Variants in RNF25 observed in about 807,000 individuals in gnomAD.
The protein encoded by RNF25 is ring finger protein 25.
RNF25 carries 32 observed loss-of-function variants against 65.0 expected under a neutral mutation model. That is an observed-to-expected ratio of 0.49 (90% CI 0.37 to 0.66). RNF25 has a LOEUF of 0.66. Ranked by LOEUF, RNF25 falls within the 30% of genes least tolerant of loss-of-function variation. The probability of loss-of-function intolerance (pLI) is 0.00; values close to 1 mark genes in which losing one functional copy is unlikely to be tolerated. For missense variants in RNF25, 493 were observed against 584.8 expected, an observed-to-expected ratio of 0.84 and a Z score of 1.62; for synonymous variants, 207 against 221.2, an observed-to-expected ratio of 0.94 and a Z score of 0.57.
chr2:218,670,038 C>T (rs1008757836), intron 1 of RNF25, among the ~76,000 whole-genome samples: 2 of 151,798 alleles, frequency 1.3e-5, no homozygotes, highest in East Asian at 3.9e-4. Context: ...CAAAGCGAGA[C>T]ACTATCTCTA....
intron 5 of RNF25, among the ~76,000 whole-genome samples, chr2:218,666,774 G>A (rs569464536): frequency 6.6e-6 from 1 of 152,354 alleles, no homozygotes; most frequent in Non-Finnish European, 1.5e-5. Flanking sequence ...GCTGCATTGT[G>A]GAGGCCTGAC....
intron 1 of RNF25, among the ~76,000 whole-genome samples, chr2:218,671,508 G>A (rs1352714047): frequency 2.0e-5 from 3 of 152,194 alleles, no homozygotes; most frequent in African/African-American, 7.2e-5. Context: ...AGAAGGCTGA[G>A]GAAAGCGTCG....
In RNF25 at chr2:218,664,780, G is replaced by T. The variant is rs764046433; in HGVS notation, c.760C>A (p.Leu254Ile). 14 of 1,614,122 alleles carry T rather than the reference G, an allele frequency of 8.7e-6. No individual in the cohort carries two copies. Among genetic ancestry groups the T allele is most frequent in the Admixed American group, 1.7e-5 (1 of 60,008 alleles). ...AAGTATCGGTTTCGCTCAGCCTCAAGGTCAATGATTCCCCCCCGCTCCTGC... is the reference window on the plus strand; with the variant it reads ...AAGTATCGGTTTCGCTCAGCCTCAATGTCAATGATTCCCCCCCGCTCCTGC... ...RQQERGGIID[L>I]EAERNRYFIS... is the part of the protein sequence containing the mutation. Residue 254 changes from leucine (L) to isoleucine (I), a missense_variant, in exon 9 of 10, where the codon CTT (leucine) becomes ATT (isoleucine). Coordinates refer to ENST00000295704, the MANE Select transcript of RNF25 (RefSeq NM_022453.3). The surrounding 1 kb of genome is among the most constrained non-coding windows in gnomAD (Gnocchi z 5.1).
At chr2:218,670,422 G>A (rs192709126) in intron 1 of RNF25, among the ~76,000 whole-genome samples, 268 of 151,740 alleles carry the variant, frequency 1.8e-3, no homozygotes, top group East Asian at 5.5e-3. Flanking sequence ...GGGGCCGGGC[G>A]CGGTGGCTCA....
In RNF25 at chr2:218,668,407, G is replaced by A; in HGVS notation, c.117-66C>T. On this transcript the variant is annotated intron_variant, in intron 2 of 9. Coordinates refer to ENST00000295704, the MANE Select transcript of RNF25 (RefSeq NM_022453.3). ...GGGGCTTGGGGGCTGGGGAGGATGG[G>A]GCTGAGACAGTGAAGTGGGCAAAGG... The A allele has an allele frequency of 7.3e-6, 8 of 1,100,434 alleles. No individual in the cohort carries two copies. In the Admixed American group the frequency reaches 9.4e-5, roughly 13 times the overall value. The allele number at this position is 1,100,434 out of a possible 1,614,324, so 68.2% of individuals were successfully genotyped here. A position where few individuals can be genotyped will look rare whatever the true frequency, so the allele number is the denominator to read the frequency against.
At position 218,671,742 on chromosome 2, in the gene RNF25, TCTCA is replaced by T. The variant is rs1482820952; in HGVS notation, c.41+184_41+187del. On this transcript the variant is annotated intron_variant, in intron 1 of 9. Coordinates refer to ENST00000295704, the MANE Select transcript of RNF25 (RefSeq NM_022453.3). ...CCTGGCGGGCGCCGACCCGTTCTCC[TCTCA>T]CTCAGATCAGCGCCCCTCCACCCTC... Among the ~76,000 whole-genome samples, 5 of 152,230 alleles carry T rather than the reference TCTCA, an allele frequency of 3.3e-5. No homozygotes were observed. The East Asian group carries it at 9.6e-4, about 29-fold the overall frequency.
chr2:218,671,448 G>A (rs1384026973), intron 1 of RNF25, among the ~76,000 whole-genome samples: 1 of 152,154 alleles, frequency 6.6e-6, no homozygotes, highest in Non-Finnish European at 1.5e-5. Flanking sequence ...TTTATATGAA[G>A]TGTAAAGCTT....
At chr2:218,665,830 G>A (rs1016609158) in intron 7 of RNF25, 86 bp downstream of exon 7, 20 of 1,510,414 alleles carry the variant, frequency 1.3e-5, no homozygotes, top group Non-Finnish European at 1.7e-5. Flanking sequence ...AAAAAGTGAA[G>A]AGCCACTGGA....
intron 1 of RNF25, among the ~76,000 whole-genome samples, chr2:218,669,438 T>G (rs1939901852): frequency 6.6e-6 from 1 of 152,216 alleles, no homozygotes; most frequent in Admixed American, 6.5e-5. Flanking sequence ...CGTCCTCTTT[T>G]TTTCCTGTCT....
At chr2:218,665,384 G>T in intron 7 of RNF25, 137 bp from the exon 8 acceptor site, 1 of 697,544 alleles carries the variant, frequency 1.4e-6, no homozygotes, top group Non-Finnish European at 2.4e-6. Context: ...TTGGGACAGA[G>T]CACGGGTTGT....
intron 1 of RNF25, among the ~76,000 whole-genome samples, chr2:218,670,871 TCA>T (rs1939946241): frequency 6.6e-6 from 1 of 150,824 alleles, no homozygotes; most frequent in African/African-American, 2.4e-5. Context: ...TGCCTGCACC[TCA>T]GTTATTAATG....
At chr2:218,670,527 C>T (rs138922892) in intron 1 of RNF25, among the ~76,000 whole-genome samples, 1 of 151,834 alleles carries the variant, frequency 6.6e-6, no homozygotes, top group Non-Finnish European at 1.5e-5. Flanking sequence ...AACCCCGTCT[C>T]TACTAAAAAT....
In RNF25 at chr2:218,665,961, T is replaced by C; in HGVS notation, c.528A>G (p.Gln176=). 6.2e-7 allele frequency: 1 copy of C among 1,614,146 alleles called. No homozygotes were observed. The highest frequency in any genetic ancestry group is 1.3e-5 in the African/African-American group (1 of 75,044). The change falls in exon 7 of 10, where the codon CAA becomes CAG. Residue 176 remains glutamine (Q), a synonymous_variant. Coordinates refer to ENST00000295704, the MANE Select transcript of RNF25 (RefSeq NM_022453.3). ...IQHMEQELKA[Q]GQEQEQERQH... is the part of the protein sequence containing the mutation. ...GCCGTTCCTGTTCCTGCTCCTGTCC[T>C]TGTGCCTTCAGCTCTTGCTCCATGT... is the stretch of plus-strand genomic sequence containing the variant.
Position 218,668,090 on chromosome 2 carries a change from T to G in RNF25, c.276A>C (p.Glu92Asp). 1 of 1,613,976 alleles carries G rather than the reference T, an allele frequency of 6.2e-7. No individual in the cohort carries two copies. The highest frequency in any genetic ancestry group is 8.5e-7 in the Non-Finnish European group (1 of 1,179,930). ...CAGGTTCAACTTACGTGTGGATCTG[T>G]TCATCTGAAAGTCCTCGGGGATTTC... is the stretch of plus-strand genomic sequence containing the variant. ...SIRNPRGLSD[E>D]QIHTILQVLG... is the part of the protein sequence containing the mutation. Residue 92 changes from glutamate to aspartate, a missense_variant, in exon 4 of 10, where the codon GAA becomes GAC. Glu to Asp is a conservative substitution (Grantham distance 45, BLOSUM62 2). This residue lies in a region of RNF25 where 108 missense variants were observed against 166.0 expected (regional missense o/e 0.65). Transcript: ENST00000295704.
Position 218,667,804 on chromosome 2 carries a change from A to G in RNF25, c.357+108T>C, listed in dbSNP as rs1009220610. The G allele has an allele frequency of 1.7e-5, 17 of 1,003,660 alleles. No individual in the cohort carries two copies. In the Admixed American group the frequency reaches 3.6e-4, roughly 21 times the overall value. The allele number at this position is 1,003,660 out of a possible 1,614,324, so 62.2% of individuals were successfully genotyped here. Reference sequence around the variant, plus strand: ...CTCTGGATTAATTTAGGCCTTACCTAATGACTCCAGATCCGTTTAAGATTC... The same window carrying G: ...CTCTGGATTAATTTAGGCCTTACCTGATGACTCCAGATCCGTTTAAGATTC... On this transcript the variant is annotated intron_variant, in intron 5 of 9. Coordinates refer to ENST00000295704, the MANE Select transcript of RNF25 (RefSeq NM_022453.3).
In RNF25 at chr2:218,665,902, G is replaced by A; in HGVS notation, c.573+14C>T. The A allele has an allele frequency of 6.2e-7, 1 of 1,609,900 alleles. No individual in the cohort carries two copies. The highest frequency in any genetic ancestry group is 8.5e-7 in the Non-Finnish European group (1 of 1,177,592). On this transcript the variant is annotated intron_variant, in intron 7 of 9. Transcript: ENST00000295704. ...AAGGGTGTCAGATGAGTGTGCAGGT[G>A]CAGTGAGGTCTACCTGTTTGGTTGT...
At chr2:218,668,914 A>C (rs1432834094) in intron 1 of RNF25, among the ~76,000 whole-genome samples, 1 of 152,260 alleles carries the variant, frequency 6.6e-6, no homozygotes, top group African/African-American at 2.4e-5. Context: ...TGGATTCTAG[A>C]GAAGTAAAAT....
chr2:218,667,599 C>T (rs1055943834), intron 5 of RNF25, among the ~76,000 whole-genome samples: 2 of 152,096 alleles, frequency 1.3e-5, no homozygotes, highest in Non-Finnish European at 2.9e-5. Flanking sequence ...AAGCAAGATG[C>T]GTATCTTTTG....
Position 218,664,591 on chromosome 2 carries a change from C to T in RNF25, c.802-56G>A. The T allele has an allele frequency of 6.3e-7, 1 of 1,580,990 alleles. No individual in the cohort carries two copies. On this transcript the variant is annotated intron_variant, in intron 9 of 9. Transcript: ENST00000295704. This position sits in a 1 kb window ranked among gnomAD's most constrained non-coding sequence, Gnocchi z 5.1. Reference sequence around the variant, plus strand: ...AGATGCAGTTCCTCAAGGTGGGGAACTACAGGCCCCTCTCCTACTATCTGG... The same window carrying T: ...AGATGCAGTTCCTCAAGGTGGGGAATTACAGGCCCCTCTCCTACTATCTGG...
Sources: allele counts gnomAD v4.1 joint callset (sites outside exome capture counted in the v4.1 genomes callset), GRCh38; gene constraint gnomAD v4.1.1; regional missense constraint gnomAD v4.1.1; non-coding constraint Gnocchi (gnomAD v3.1); transcripts MANE v1.5; gene names NCBI Gene and HGNC (gene_info 2026-07-23, HGNC 2026-07-21).